ATP2A3: variants seen among roughly 807,000 people sequenced by gnomAD.
ATP2A3 encodes the protein sarcoplasmic/endoplasmic reticulum calcium ATPase 3.
A neutral mutation model predicts 106.8 loss-of-function variants in ATP2A3; 61 were observed. The observed-to-expected ratio is 0.57, with a 90% CI of 0.46 to 0.71. The LOEUF (loss-of-function observed/expected upper bound fraction) is 0.71. Ranked by LOEUF, ATP2A3 falls within the 30% of genes least tolerant of loss-of-function variation. ATP2A3 has a pLI of 0.00. For synonymous variants in ATP2A3, 611 were observed against 609.3 expected (o/e 1.00, Z -0.04); for missense variants, 1,201 against 1,423.5 (o/e 0.84, Z 2.52).
In ATP2A3 at chr17:3,939,075, G is replaced by A. The variant is rs555996593; in HGVS notation, c.2101-1439C>T. On this transcript the variant is annotated intron_variant, in intron 14 of 20. Transcript: ENST00000397041. Reference sequence around the variant, plus strand: ...CCAGCTCCTCAGGAGGCTGAGGTGGGAGGATCTCTTGAGCCCGAGAGGATG... The same window carrying A: ...CCAGCTCCTCAGGAGGCTGAGGTGGAAGGATCTCTTGAGCCCGAGAGGATG... Among the ~76,000 whole-genome samples, 170 of 152,254 alleles carry A rather than the reference G, an allele frequency of 1.1e-3. 1 individual carries two copies. Among genetic ancestry groups the A allele is most frequent in the Non-Finnish European group, 1.9e-3 (130 of 68,020 alleles).
chr17:3,925,571 C>T lies in ATP2A3; in HGVS notation c.2981-130G>A. 1.7e-6 allele frequency: 2 copies of T among 1,190,570 alleles called. No homozygotes were observed. The highest frequency in any genetic ancestry group is 2.4e-6 in the Non-Finnish European group (2 of 832,010). The allele number at this position is 1,190,570 out of a possible 1,614,324, so 73.8% of individuals were successfully genotyped here. A position where few individuals can be genotyped will look rare whatever the true frequency, so the allele number is the denominator to read the frequency against. Reference sequence around the variant, plus strand: ...CAGGCTCCCAAGGCCTCCCTTAGTCCAGACCTCAGTCTACCCCAGCCCCAC... The same window carrying T: ...CAGGCTCCCAAGGCCTCCCTTAGTCTAGACCTCAGTCTACCCCAGCCCCAC... On this transcript the variant is annotated intron_variant, in intron 20 of 20. Coordinates refer to ENST00000397041, the MANE Select transcript of ATP2A3 (RefSeq NM_005173.4). The surrounding 1 kb of genome is among the most constrained non-coding windows in gnomAD (Gnocchi z 4.2).
At chr17:3,959,160 G>C (rs1907604515) in intron 1 of ATP2A3, among the ~76,000 whole-genome samples, 1 of 151,954 alleles carries the variant, frequency 6.6e-6, no homozygotes, top group Non-Finnish European at 1.5e-5. Context: ...GGCCTCCCAA[G>C]GTGCTGAGAT....
chr17:3,936,358 C>G lies in ATP2A3; in HGVS notation c.2433G>C (p.Pro811=), dbSNP rs544896122. 1.2e-6 allele frequency: 2 copies of G among 1,614,114 alleles called. No homozygotes were observed. Among genetic ancestry groups the G allele is most frequent in the South Asian group, 1.1e-5 (1 of 91,068 alleles). ...GCTTCTCCATGATGTCCAGGTCTGG[C>G]GGGTTGAAGCCCAGAGCCGTGGCAG... ...GLPATALGFN[P]PDLDIMEKLP... Residue 811 remains proline (P), a synonymous_variant, in exon 16 of 21, where the codon CCG becomes CCC. Transcript: ENST00000397041. The surrounding 1 kb of genome is among the most constrained non-coding windows in gnomAD (Gnocchi z 5.4).
intron 9 of ATP2A3, 73 bp from the exon 10 acceptor site, chr17:3,944,879 C>G: frequency 2.2e-6 from 2 of 892,874 alleles, no homozygotes. Context: ...TGGCCCCGCC[C>G]CTAGGAGGGG....
At chr17:3,934,963 C>T in intron 17 of ATP2A3, 3 of 569,414 alleles carry the variant, frequency 5.3e-6, no homozygotes, top group Non-Finnish European at 9.5e-6. Context: ...CTCTTGGTCC[C>T]CGCTAACTGA....
chr17:3,964,197 G>C lies in ATP2A3; in HGVS notation c.95C>G (p.Ala32Gly), dbSNP rs1315541007. 6 of 1,243,932 alleles carry C rather than the reference G, an allele frequency of 4.8e-6. No individual in the cohort carries two copies. Among genetic ancestry groups the C allele is most frequent in the African/African-American group, 3.2e-5 (2 of 61,944 alleles). The allele number at this position is 1,243,932 out of a possible 1,614,324, so 77.1% of individuals were successfully genotyped here. The change falls in exon 1 of 21, where the codon GCG (alanine) becomes GGG (glycine). Residue 32 changes from alanine to glycine, a missense_variant. Physicochemically the swap from Ala to Gly is moderately conservative, Grantham distance 60 (BLOSUM62 0). Transcript: ENST00000397041. ...GGLSPAQVTG[A>G]RERYGPNELP... ...ACCGTTGGGGCCGTAGCGCTCCCGCGCGCCGGTCACCTGCGCCGGGCTCAG... is the reference window on the plus strand; with the variant it reads ...ACCGTTGGGGCCGTAGCGCTCCCGCCCGCCGGTCACCTGCGCCGGGCTCAG...
At chr17:3,951,559 T>TCCCCCCC in intron 4 of ATP2A3, 22 bp downstream of exon 4, 1 of 596,268 alleles carries the variant, frequency 1.7e-6, no homozygotes, top group Admixed American at 3.9e-5. Context: ...CCCCGCCCGG[T>TCCCCCCC]CCCACCCCCA....
intron 8 of ATP2A3, 102 bp from the exon 9 acceptor site, chr17:3,945,250 C>G (rs2054047973): frequency 1.5e-5 from 17 of 1,163,422 alleles, no homozygotes; most frequent in East Asian, 2.9e-5. Context: ...CCTGCCCGAC[C>G]GAGGGCCAAA....
chr17:3,944,354 T>C (rs1291330575), intron 10 of ATP2A3, among the ~76,000 whole-genome samples: 1 of 151,984 alleles, frequency 6.6e-6, no homozygotes, highest in Non-Finnish European at 1.5e-5. Context: ...CGTGAATGCC[T>C]AAGTCGCAGG....
At chr17:3,943,948 C>T (rs1404887262) in intron 10 of ATP2A3, among the ~76,000 whole-genome samples, 5 of 152,200 alleles carry the variant, frequency 3.3e-5, no homozygotes, top group African/African-American at 9.7e-5. Context: ...GCCACTCCGG[C>T]GACAGCCCCA....
Position 3,930,151 on chromosome 17 carries a change from C to G in ATP2A3, c.2744+150G>C. On this transcript the variant is annotated intron_variant, in intron 18 of 20. Transcript: ENST00000397041. This position sits in a 1 kb window ranked among gnomAD's most constrained non-coding sequence, Gnocchi z 5.4. ...TGACCCTCAGACACTGATACTGGAA[C>G]CCCCAGCCCTCAGCCCCCACTCCTC... 1 of 1,240,484 alleles carries G rather than the reference C, an allele frequency of 8.1e-7. No homozygotes were observed. The highest frequency in any genetic ancestry group is 1.1e-6 in the Non-Finnish European group (1 of 902,762). 76.8% of individuals were successfully genotyped at this position (1,240,484 alleles called of 1,614,324 possible).
intron 12 of ATP2A3, among the ~76,000 whole-genome samples, chr17:3,942,338 G>A (rs573104277): frequency 5.3e-5 from 8 of 152,306 alleles, no homozygotes; most frequent in Non-Finnish European, 1.2e-4. Context: ...TTCTCTCTTC[G>A]GTTTTGGGAG....
In ATP2A3 at chr17:3,925,261, G is replaced by C. The variant is rs1053221840; in HGVS notation, c.*161C>G. On this transcript the variant is annotated 3_prime_UTR_variant, in exon 21 of 21. Transcript: ENST00000397041. The surrounding 1 kb of genome is among the most constrained non-coding windows in gnomAD (Gnocchi z 4.2). ...GAAGTGGGGACAGAGACCCCAGGAC[G>C]GGGCCCGGGGATGGCCATTCTGACC... 9 of 1,189,150 alleles carry C rather than the reference G, an allele frequency of 7.6e-6. No homozygotes were observed. In the Admixed American group the frequency reaches 1.0e-4, roughly 13 times the overall value. The allele number at this position is 1,189,150 out of a possible 1,614,324, so 73.7% of individuals were successfully genotyped here.
chr17:3,945,174 G>A lies in ATP2A3; in HGVS notation c.1096-26C>T, dbSNP rs1206695595. ...CTGGGGAGCGCAGGGGCGTGCTTAG[G>A]CGGGCGGGGTCGCCTCCCTCCTCCC... On this transcript the variant is annotated intron_variant, in intron 8 of 20. Transcript: ENST00000397041. The A allele has an allele frequency of 7.1e-6, 11 of 1,539,548 alleles. No individual in the cohort carries two copies. The East Asian group carries it at 1.5e-4, about 21-fold the overall frequency.
intron 1 of ATP2A3, among the ~76,000 whole-genome samples, chr17:3,962,277 C>T (rs942227064): frequency 6.6e-6 from 1 of 152,320 alleles, no homozygotes; most frequent in East Asian, 1.9e-4. Flanking sequence ...TATGTGACCT[C>T]GGGCAAGTGG....
At chr17:3,958,887 CAT>C (rs1246942368) in intron 1 of ATP2A3, among the ~76,000 whole-genome samples, 4 of 99,896 alleles carry the variant, frequency 4.0e-5, no homozygotes, top group Non-Finnish European at 7.9e-5. Context: ...CACACACACA[CAT>C]ATATATATAT....
rs2054703266 is a variant in ATP2A3 at position 3,955,199 on chromosome 17, T to C, written c.119-1489A>G. ...GAGGCCCCGGCCATGGCTGGCTCTC[T>C]TCCACCTCCTTCTTCCTGACACTGG... On this transcript the variant is annotated intron_variant, in intron 1 of 20. Transcript: ENST00000397041. The surrounding 1 kb of genome is among the most constrained non-coding windows in gnomAD (Gnocchi z 4.2). Among the ~76,000 whole-genome samples, 1 of 152,220 alleles carries C rather than the reference T, an allele frequency of 6.6e-6. No homozygotes were observed. The highest frequency in any genetic ancestry group is 1.5e-5 in the Non-Finnish European group (1 of 68,032).
rs1254710518 is a variant in ATP2A3 at position 3,928,205 on chromosome 17, TGACCCACCCACAA to T, written c.2980+445_2980+457del. 6.2e-7 allele frequency: 1 copy of T among 1,612,346 alleles called. No individual in the cohort carries two copies. Among genetic ancestry groups the T allele is most frequent in the African/African-American group, 1.3e-5 (1 of 74,894 alleles). ...GTGAGCTCAGAAACAACCCTCCCCT[TGACCCACCCACAA>T]GGTGATACCAAAGAGGCCAACCCGG... On this transcript the variant is annotated intron_variant, in intron 20 of 20. Coordinates refer to ENST00000397041, the MANE Select transcript of ATP2A3 (RefSeq NM_005173.4). This position sits in a 1 kb window ranked among gnomAD's most constrained non-coding sequence, Gnocchi z 6.1.
At chr17:3,935,855 C>A (rs956589271) in intron 16 of ATP2A3, among the ~76,000 whole-genome samples, 3 of 152,048 alleles carry the variant, frequency 2.0e-5, no homozygotes, top group Admixed American at 2.0e-4. Context: ...AAACTCCAGA[C>A]CTCAAGTGAT....
Sources: gnomAD v4.1 joint callset for allele counts (sites outside exome capture counted in the v4.1 genomes callset) on GRCh38, gnomAD v4.1.1 for gene constraint, Gnocchi (gnomAD v3.1) non-coding constraint, MANE v1.5 for transcripts, NCBI Gene and HGNC (gene_info 2026-07-23, HGNC 2026-07-21) for gene names.